Variants in GPR108 observed in about 807,000 individuals in gnomAD.
GPR108 encodes the protein G protein-coupled receptor 108, also known as protein GPR108.
In GPR108, 60 loss-of-function variants were observed where a neutral mutation model predicts 74.3. That is an observed-to-expected ratio of 0.81 (90% CI 0.66 to 1.00). GPR108 has a LOEUF of 1.00. Ranked by LOEUF, GPR108 falls within the 50% of genes least tolerant of loss-of-function variation. The pLI is 0.00. For missense variants in GPR108, 667 were observed against 703.3 expected, an observed-to-expected ratio of 0.95 and a Z score of 0.58; for synonymous variants, 311 against 292.4, an observed-to-expected ratio of 1.06 and a Z score of -0.65.
At chr19:6,730,921 C>CCGG in intron 17 of GPR108, 66 bp downstream of exon 17, 6 of 1,478,144 alleles carry the variant, frequency 4.1e-6, no homozygotes, top group Non-Finnish European at 5.6e-6. Flanking sequence ...CCACCCTGCC[C>CCGG]GTAGAGCTGC....
intron 10 of GPR108, 100 bp downstream of exon 10, chr19:6,732,887 G>A (rs1968475356): frequency 9.5e-7 from 1 of 1,051,374 alleles, no homozygotes; most frequent in African/African-American, 1.6e-5. Context: ...ATAGCTGGCG[G>A]ATGGCCCTCC....
In GPR108 at chr19:6,734,271, C is replaced by T; in HGVS notation, c.411G>A (p.Leu137=). 1 of 1,613,906 alleles carries T rather than the reference C, an allele frequency of 6.2e-7. No homozygotes were observed. Among genetic ancestry groups the T allele is most frequent in the South Asian group, 1.1e-5 (1 of 91,082 alleles). Reference sequence around the variant, plus strand: ...CCGGGAGGAGCCCGGGAAAGATAAACAACGTCTTCTGCTCTCCATACTTCC... The same window carrying T: ...CCGGGAGGAGCCCGGGAAAGATAAATAACGTCTTCTGCTCTCCATACTTCC... ...QVRKYGEQKT[L]FIFPGLLPEA... The change falls in exon 5 of 18, where the codon TTG becomes TTA. Residue 137 remains leucine, a synonymous_variant. Coordinates refer to ENST00000264080, the MANE Select transcript of GPR108 (RefSeq NM_001080452.2).
intron 17 of GPR108, 80 bp downstream of exon 17, chr19:6,730,907 C>CG: frequency 3.0e-5 from 31 of 1,043,496 alleles, no homozygotes; most frequent in Non-Finnish European, 4.1e-5. Context: ...TCCCTCCCCC[C>CG]TGCCCACCCT....
chr19:6,731,136 C>T lies in GPR108; in HGVS notation c.1435-25G>A, dbSNP rs200784744. 8,444 of 1,611,732 alleles carry T rather than the reference C, an allele frequency of 5.2e-3. 30 individuals carry two copies. Among genetic ancestry groups the T allele is most frequent in the Non-Finnish European group, 6.3e-3 (7,437 of 1,179,146 alleles). On this transcript the variant is annotated intron_variant, in intron 16 of 17. Coordinates refer to ENST00000264080, the MANE Select transcript of GPR108 (RefSeq NM_001080452.2). Reference sequence around the variant, plus strand: ...GCTGGGGGACGGGGCGGAGTGGGGGCGTCAGGCGCACCCCCACCCCCACCG... The same window carrying T: ...GCTGGGGGACGGGGCGGAGTGGGGGTGTCAGGCGCACCCCCACCCCCACCG...
chr19:6,736,155 C>T (rs1443489901), intron 2 of GPR108, among the ~76,000 whole-genome samples, 197 bp from the exon 3 acceptor site: 1 of 152,178 alleles, frequency 6.6e-6, no homozygotes. Context: ...AATACAGTGG[C>T]AGGATCATAG....
At position 6,732,980 on chromosome 19, in the gene GPR108, C is replaced by A; in HGVS notation, c.933+7G>T. 1 of 1,583,720 alleles carries A rather than the reference C, an allele frequency of 6.3e-7. No individual in the cohort carries two copies. The highest frequency in any genetic ancestry group is 8.6e-7 in the Non-Finnish European group (1 of 1,165,696). On this transcript the variant is annotated splice_region_variant and intron_variant, in intron 10 of 17. Coordinates refer to ENST00000264080, the MANE Select transcript of GPR108 (RefSeq NM_001080452.2). Reference sequence around the variant, plus strand: ...CCCCCCGCTGCTCCCCGGTCCAAGGCTCTCACGCTGTGGAAGAGGAGAGAG... The same window carrying A: ...CCCCCCGCTGCTCCCCGGTCCAAGGATCTCACGCTGTGGAAGAGGAGAGAG...
intron 6 of GPR108, 31 bp from the exon 7 acceptor site, chr19:6,733,944 T>C (rs780373706): frequency 1.2e-6 from 2 of 1,613,980 alleles, no homozygotes; most frequent in African/African-American, 1.3e-5. Flanking sequence ...CATCAGCTGG[T>C]TCTGGGTCCC....
Position 6,734,207 on chromosome 19 carries a change from T to C in GPR108, c.475A>G (p.Thr159Ala). The C allele has an allele frequency of 2.4e-5, 38 of 1,614,208 alleles. No homozygotes were observed. The highest frequency in any genetic ancestry group is 3.2e-5 in the Non-Finnish European group (38 of 1,180,034). ...SKPGLPKPQA[T>A]VPRKVDGGGT... Reference sequence around the variant, plus strand: ...CCGCCATCCACCTTGCGGGGGACTGTGGCCTGTGGCTTCGGGAGCCCTGGT... The same window carrying C: ...CCGCCATCCACCTTGCGGGGGACTGCGGCCTGTGGCTTCGGGAGCCCTGGT... The change falls in exon 5 of 18, where the codon ACA becomes GCA. Residue 159 changes from threonine (T) to alanine (A), a missense_variant. Transcript: ENST00000264080.
At chr19:6,731,174 C>T (rs371959536) in intron 16 of GPR108, 25 bp downstream of exon 16, 16 of 1,605,832 alleles carry the variant, frequency 1.0e-5, no homozygotes, top group Middle Eastern at 1.7e-4. Context: ...GCCGCCCTCC[C>T]GTCCCACCTG....
At position 6,735,978 on chromosome 19, in the gene GPR108, A is replaced by AT; in HGVS notation, c.241-21_241-20insA. 1.9e-5 allele frequency: 31 copies of AT among 1,597,914 alleles called. No homozygotes were observed. Among genetic ancestry groups the AT allele is most frequent in the Non-Finnish European group, 2.6e-5 (30 of 1,170,802 alleles). On this transcript the variant is annotated intron_variant, in intron 2 of 17. Coordinates refer to ENST00000264080, the MANE Select transcript of GPR108 (RefSeq NM_001080452.2). The stretch of plus-strand genomic sequence containing the variant: ...CCCCACCTGGTGGGTGGAAAAAAAA[A>AT]GGGGAGGGTGTGAGGGACAGTAGAG...
Position 6,731,673 on chromosome 19 carries a change from C to T in GPR108, c.1301-151G>A, listed in dbSNP as rs149141567. The T allele has an allele frequency of 9.7e-3, 8,045 of 833,362 alleles. 62 individuals are homozygous for T. Among genetic ancestry groups the T allele is most frequent in the Middle Eastern group, 0.015 (43 of 2,848 alleles). 51.6% of individuals were successfully genotyped at this position (833,362 alleles called of 1,614,324 possible). A position where few individuals can be genotyped will look rare whatever the true frequency, so the allele number is the denominator to read the frequency against. Reference sequence around the variant, plus strand: ...GGGGACATTAGGTGGGGCAGAAAGGCGGAAGGGGGAGATCAGAGAGGAGGG... The same window carrying T: ...GGGGACATTAGGTGGGGCAGAAAGGTGGAAGGGGGAGATCAGAGAGGAGGG... On this transcript the variant is annotated intron_variant, in intron 14 of 17. Coordinates refer to ENST00000264080, the MANE Select transcript of GPR108 (RefSeq NM_001080452.2).
chr19:6,737,325 G>T (rs1213396242), intron 1 of GPR108, 132 bp downstream of exon 1: 3 of 1,212,550 alleles, frequency 2.5e-6, no homozygotes, highest in East Asian at 3.1e-5. Context: ...CTCCGGGCCC[G>T]GAAACGGGGG....
At chr19:6,732,869 A>T in intron 10 of GPR108, 118 bp downstream of exon 10, 1 of 855,372 alleles carries the variant, frequency 1.2e-6, no homozygotes, top group Non-Finnish European at 1.8e-6. Context: ...AAATGGGTGG[A>T]CACGTGGATA....
At chr19:6,736,314 C>T (rs1420168593) in intron 2 of GPR108, among the ~76,000 whole-genome samples, 1 of 152,214 alleles carries the variant, frequency 6.6e-6, no homozygotes. Context: ...CCAGGCTGGT[C>T]TTGAACTCCT....
chr19:6,734,198 G>T lies in GPR108; in HGVS notation c.484C>A (p.Arg162Ser). 1 of 1,614,198 alleles carries T rather than the reference G, an allele frequency of 6.2e-7. No individual in the cohort carries two copies. The highest frequency in any genetic ancestry group is 2.2e-5 in the East Asian group (1 of 44,888). The stretch of plus-strand genomic sequence containing the variant: ...CCTGACTCACCGCCATCCACCTTGC[G>T]GGGGACTGTGGCCTGTGGCTTCGGG... Reference protein sequence around the residue: ...GLPKPQATVPRKVDGGGTSAA... With the variant: ...GLPKPQATVPSKVDGGGTSAA... Residue 162 changes from arginine (R) to serine (S), a missense_variant, in exon 5 of 18, where the codon CGC (arginine) becomes AGC (serine). By Grantham distance (110) the Arg-to-Ser change is moderately radical. Transcript: ENST00000264080.
chr19:6,731,985 T>C, intron 13 of GPR108, 40 bp downstream of exon 13: 1 of 1,613,450 alleles, frequency 6.2e-7, no homozygotes. Flanking sequence ...ATCGCCCATG[T>C]GCACAGGGCA....
intron 1 of GPR108, chr19:6,737,248 C>T: frequency 1.7e-6 from 1 of 597,278 alleles, no homozygotes; most frequent in Non-Finnish European, 2.8e-6. Context: ...AGGGAGGGGG[C>T]CGACCCCAGC....
At position 6,735,693 on chromosome 19, in the gene GPR108, G is replaced by A. The variant is rs766548733; in HGVS notation, c.303C>T (p.Phe101=). The A allele has an allele frequency of 6.2e-7, 1 of 1,614,048 alleles. No homozygotes were observed. Among genetic ancestry groups the A allele is most frequent in the South Asian group, 1.1e-5 (1 of 91,072 alleles). The change falls in exon 4 of 18, where the codon TTC becomes TTT. Residue 101 remains phenylalanine (F), a synonymous_variant. Coordinates refer to ENST00000264080, the MANE Select transcript of GPR108 (RefSeq NM_001080452.2). ...TGTTTTTCTGGAGAGGGCAGTCCTG[G>A]AAATCCCGGGTCTGGGGGGTGGGCA... ...GRVRSYSTRD[F]QDCPLQKNSS...
intron 4 of GPR108, among the ~76,000 whole-genome samples, chr19:6,734,978 T>G (rs1968575879): frequency 6.6e-6 from 1 of 151,926 alleles, no homozygotes; most frequent in South Asian, 2.1e-4. Context: ...CCTCCCCAGC[T>G]CAGGAGATCC....
Sources: allele counts gnomAD v4.1 joint callset (sites outside exome capture counted in the v4.1 genomes callset), GRCh38; gene constraint gnomAD v4.1.1; transcripts MANE v1.5; gene names NCBI Gene and HGNC (gene_info 2026-07-23, HGNC 2026-07-21).